The following TTC7A variants were observed in gnomAD, a reference collection of about 807,000 sequenced individuals.
The protein encoded by TTC7A is tetratricopeptide repeat protein 7A.
In TTC7A, 110 loss-of-function variants were observed where a neutral mutation model predicts 103.7. The observed-to-expected ratio is 1.06, with a 90% CI of 0.91 to 1.24. TTC7A has a LOEUF of 1.24. TTC7A is among the 50% of genes most tolerant of loss of function. The pLI, the probability that TTC7A is intolerant of heterozygous loss-of-function variation, is 0.00. For missense variants in TTC7A, 1,340 were observed against 1,116.3 expected, an observed-to-expected ratio of 1.20 and a Z score of -2.86; for synonymous variants, 521 against 467.9, an observed-to-expected ratio of 1.11 and a Z score of -1.47.
intron 18 of TTC7A, among the ~76,000 whole-genome samples, chr2:47,058,376 G>A (rs1314157011): frequency 6.6e-6 from 1 of 152,184 alleles, no homozygotes; most frequent in Non-Finnish European, 1.5e-5. Context: ...TGAACCTTAG[G>A]CAATGCTCGT....
intron 8 of TTC7A, among the ~76,000 whole-genome samples, chr2:46,995,656 C>T (rs1438059058): frequency 6.6e-6 from 1 of 152,214 alleles, no homozygotes; most frequent in East Asian, 1.9e-4. Context: ...CTTATTTTCT[C>T]TGAGCCTCCG....
chr2:46,978,906 G>A lies in TTC7A; in HGVS notation c.763G>A (p.Gly255Arg), dbSNP rs1375107897. The change falls in exon 5 of 20, where the codon GGG becomes AGG. Residue 255 changes from glycine to arginine, a missense_variant and splice_region_variant. By Grantham distance (125) the Gly-to-Arg change is moderately radical (BLOSUM62 -2). Coordinates refer to ENST00000319190, the MANE Select transcript of TTC7A (RefSeq NM_020458.4). Reference sequence around the variant, plus strand: ...CGCCTATGTGAAAAACCTGAAGAAGGGGTAGGTCACTGGTAGTTGAGTGAG... The same window carrying A: ...CGCCTATGTGAAAAACCTGAAGAAGAGGTAGGTCACTGGTAGTTGAGTGAG... ...QSAYVKNLKK[G>R]NIVKGMRELR... 3.1e-6 allele frequency: 5 copies of A among 1,611,484 alleles called. No homozygotes were observed. The African/African-American group carries it at 5.3e-5, about 17-fold the overall frequency.
At chr2:46,944,471 G>A (rs1295271226) in intron 1 of TTC7A, among the ~76,000 whole-genome samples, 1 of 138,220 alleles carries the variant, frequency 7.2e-6, no homozygotes. Flanking sequence ...ACTCAAACTC[G>A]TGGGCTCAAG....
Position 47,048,878 on chromosome 2 carries a change from T to C in TTC7A, c.1920-1071T>C, listed in dbSNP as rs188444217. Among the ~76,000 whole-genome samples the C allele has an allele frequency of 3.7e-3, 561 of 152,284 alleles. 2 individuals carry two copies. Among genetic ancestry groups the C allele is most frequent in the Middle Eastern group, 0.027 (8 of 294 alleles). On this transcript the variant is annotated intron_variant, in intron 16 of 19. Coordinates refer to ENST00000319190, the MANE Select transcript of TTC7A (RefSeq NM_020458.4). ...TCAGCCTCCCAAAGTGCTGGGATTATGGGCATGAGCCTCCATGCCTGGCCT... is the reference window on the plus strand; with the variant it reads ...TCAGCCTCCCAAAGTGCTGGGATTACGGGCATGAGCCTCCATGCCTGGCCT...
chr2:47,017,660 C>A (rs997757068), intron 11 of TTC7A, among the ~76,000 whole-genome samples: 2 of 152,196 alleles, frequency 1.3e-5, no homozygotes, highest in African/African-American at 2.4e-5. Flanking sequence ...AAAGCTCGAC[C>A]AGCTCAGCAT....
intron 19 of TTC7A, among the ~76,000 whole-genome samples, chr2:47,061,722 C>A (rs181632301): frequency 3.6e-4 from 55 of 152,310 alleles, no homozygotes; most frequent in African/African-American, 1.2e-3. Flanking sequence ...CTGGTCCAGG[C>A]AACATTTATT....
chr2:46,983,117 T>A (rs1674639329), intron 5 of TTC7A, among the ~76,000 whole-genome samples: 1 of 152,196 alleles, frequency 6.6e-6, no homozygotes. Context: ...TTTGTTTTCT[T>A]TGTGTAATTT....
At chr2:47,031,470 G>A (rs759562565) in intron 15 of TTC7A, among the ~76,000 whole-genome samples, 5 of 152,048 alleles carry the variant, frequency 3.3e-5, no homozygotes, top group Non-Finnish European at 5.9e-5. Context: ...AGGCTTCATC[G>A]GAAACCGAAA....
intron 14 of TTC7A, among the ~76,000 whole-genome samples, chr2:47,024,806 G>A (rs965640704): frequency 6.6e-6 from 1 of 152,056 alleles, no homozygotes; most frequent in Non-Finnish European, 1.5e-5. Context: ...TGGCTTCTGG[G>A]GCCCCATAGG....
chr2:46,988,545 C>A (rs1675284342), intron 5 of TTC7A, among the ~76,000 whole-genome samples: 1 of 152,214 alleles, frequency 6.6e-6, no homozygotes, highest in African/African-American at 2.4e-5. Context: ...TCCATTCAGC[C>A]ATCAGTTCCA....
intron 2 of TTC7A, among the ~76,000 whole-genome samples, chr2:46,928,613 T>C (rs558007148): frequency 1.3e-5 from 2 of 150,904 alleles, no homozygotes; most frequent in African/African-American, 2.4e-5. Flanking sequence ...CTACGAAAAA[T>C]ATAAAAATTG....
At chr2:47,019,483 G>C (rs1335668540) in intron 11 of TTC7A, among the ~76,000 whole-genome samples, 1 of 152,182 alleles carries the variant, frequency 6.6e-6, no homozygotes, top group Non-Finnish European at 1.5e-5. Flanking sequence ...ACCAGGCTTA[G>C]AGACGGTTTT....
Position 46,950,343 on chromosome 2 carries a change from A to G in TTC7A, c.185-20A>G, listed in dbSNP as rs1225170571. 4 of 1,613,308 alleles carry G rather than the reference A, an allele frequency of 2.5e-6. No homozygotes were observed. Among genetic ancestry groups the G allele is most frequent in the Admixed American group, 1.7e-5 (1 of 59,948 alleles). ...GCCTTGTTCGGGGTTTGCTGCTCTG[A>G]CCCCTACTTTGCTTTTCAGATGACT... On this transcript the variant is annotated intron_variant, in intron 1 of 19. Transcript: ENST00000319190.
intron 18 of TTC7A, chr2:47,054,156 G>A (rs1683127972): frequency 1.0e-6 from 1 of 985,262 alleles, no homozygotes; most frequent in South Asian, 4.7e-5. Context: ...GCTGCATCAG[G>A]GTCAGGCAGT....
intron 2 of TTC7A, among the ~76,000 whole-genome samples, chr2:46,951,020 G>C (rs1671359758): frequency 6.6e-6 from 1 of 152,188 alleles, no homozygotes; most frequent in Admixed American, 6.5e-5. Flanking sequence ...CCTTGGGTCA[G>C]GGGGCTCTCA....
chr2:47,042,258 T>C (rs570039739), intron 15 of TTC7A, among the ~76,000 whole-genome samples: 1 of 152,246 alleles, frequency 6.6e-6, no homozygotes, highest in East Asian at 1.9e-4. Flanking sequence ...TCCCAATGCT[T>C]TGGGAGGTTG....
At chr2:46,924,626 CT>C (rs1322616067) in intron 2 of TTC7A, among the ~76,000 whole-genome samples, 75 of 147,478 alleles carry the variant, frequency 5.1e-4, no homozygotes, top group Admixed American at 6.8e-4. Flanking sequence ...TGGATATTTT[CT>C]TTTTTTTTTT....
At chr2:47,032,167 C>T (rs1680613617) in intron 15 of TTC7A, among the ~76,000 whole-genome samples, 1 of 152,236 alleles carries the variant, frequency 6.6e-6, no homozygotes, top group South Asian at 2.1e-4. Flanking sequence ...TGACTGCCCC[C>T]AGGAGGCCCA....
At chr2:46,983,903 T>A (rs1031817362) in intron 5 of TTC7A, among the ~76,000 whole-genome samples, 7 of 152,208 alleles carry the variant, frequency 4.6e-5, no homozygotes, top group African/African-American at 1.4e-4. Context: ...GCTGTTCTTA[T>A]CTATGAAAGC....
Sources: gnomAD v4.1 joint callset for allele counts (sites outside exome capture counted in the v4.1 genomes callset) on GRCh38, gnomAD v4.1.1 for gene constraint, MANE v1.5 for transcripts, NCBI Gene and HGNC (gene_info 2026-07-23, HGNC 2026-07-21) for gene names.